Variants in ZNF174 observed in about 807,000 individuals in gnomAD.
ZNF174 encodes zinc finger protein 174.
Under a neutral mutation model 38.7 loss-of-function variants are expected in ZNF174, and 30 were observed. The observed-to-expected ratio is 0.78, with a 90% CI of 0.58 to 1.05. ZNF174 has a LOEUF of 1.05. ZNF174 is among the 50% of genes least tolerant of loss of function. ZNF174 has a pLI of 0.00. For missense variants in ZNF174, 499 were observed against 495.6 expected (o/e 1.01, Z -0.06); for synonymous variants, 201 against 181.7 (o/e 1.11, Z -0.86).
chr16:3,402,315 C>T lies in ZNF174; in HGVS notation c.311C>T (p.Ala104Val). The T allele has an allele frequency of 6.2e-7, 1 of 1,614,070 alleles. No individual in the cohort carries two copies. ...ACCATCCTGCCCCCGGAGATCCAGG[C>T]TCGGGTCAGGCATCGATGTCCAATG... is the stretch of plus-strand genomic sequence containing the variant. ...FLTILPPEIQ[A>V]RVRHRCPMSS... Residue 104 changes from alanine (A) to valine (V), a missense_variant, in exon 1 of 3, where the codon GCT becomes GTT. Coordinates refer to ENST00000268655, the MANE Select transcript of ZNF174 (RefSeq NM_003450.3).
chr16:3,407,774 C>T (rs547860583), intron 2 of ZNF174, among the ~76,000 whole-genome samples: 6 of 152,330 alleles, frequency 3.9e-5, no homozygotes, highest in African/African-American at 1.4e-4. Flanking sequence ...ATTCCAGTTT[C>T]TGAACTCATA....
chr16:3,408,937 T>TTA lies in ZNF174; in HGVS notation c.*19_*20dup. 1 of 1,577,784 alleles carries TTA rather than the reference T, an allele frequency of 6.3e-7. No homozygotes were observed. The highest frequency in any genetic ancestry group is 8.6e-7 in the Non-Finnish European group (1 of 1,159,822). On this transcript the variant is annotated 3_prime_UTR_variant, in exon 3 of 3. Coordinates refer to ENST00000268655, the MANE Select transcript of ZNF174 (RefSeq NM_003450.3). ...GGGACTAAAAGGAGCACTCCATGCT[T>TTA]TAGATTCACACGGAAGGTGTTTGTG... is the stretch of plus-strand genomic sequence containing the variant.
Position 3,404,512 on chromosome 16 carries a change from G to T in ZNF174, c.489G>T (p.Pro163=), listed in dbSNP as rs140705448. The T allele has an allele frequency of 6.2e-7, 1 of 1,613,768 alleles. No homozygotes were observed. The highest frequency in any genetic ancestry group is 1.1e-5 in the South Asian group (1 of 91,080). Residue 163 remains proline (P), a synonymous_variant, in exon 2 of 3, where the codon CCG becomes CCT. Coordinates refer to ENST00000268655, the MANE Select transcript of ZNF174 (RefSeq NM_003450.3). ...AACAGGAACTGCCAGACTTTCAACCGCAGACTCCTAGGAGAGATCTCAGGG... is the reference window on the plus strand; with the variant it reads ...AACAGGAACTGCCAGACTTTCAACCTCAGACTCCTAGGAGAGATCTCAGGG... ...LGEQELPDFQ[P]QTPRRDLRES... is the part of the protein sequence containing the mutation.
chr16:3,409,108 G>A lies in ZNF174; in HGVS notation c.*189G>A. Reference sequence around the variant, plus strand: ...CAGGGCCCAACCGTGCATGATGACAGGGTGAAGAGAAGGCAGGTCTGGGCA... The same window carrying A: ...CAGGGCCCAACCGTGCATGATGACAAGGTGAAGAGAAGGCAGGTCTGGGCA... On this transcript the variant is annotated 3_prime_UTR_variant, in exon 3 of 3. Transcript: ENST00000268655. 3.2e-6 allele frequency: 2 copies of A among 633,626 alleles called. No individual in the cohort carries two copies. Among genetic ancestry groups the A allele is most frequent in the Non-Finnish European group, 5.4e-6 (2 of 368,866 alleles). The allele number at this position is 633,626 out of a possible 1,614,324, so 39.3% of individuals were successfully genotyped here. A position where few individuals can be genotyped will look rare whatever the true frequency, so the allele number is the denominator to read the frequency against.
In ZNF174 at chr16:3,408,423, G is replaced by A; in HGVS notation, c.728G>A (p.Gly243Asp). 2 of 1,614,166 alleles carry A rather than the reference G, an allele frequency of 1.2e-6. No homozygotes were observed. Among genetic ancestry groups the A allele is most frequent in the Non-Finnish European group, 8.5e-7 (1 of 1,180,026 alleles). The change falls in exon 3 of 3, where the codon GGT (glycine) becomes GAT (aspartate). Residue 243 changes from glycine to aspartate, a missense_variant. Transcript: ENST00000268655. The stretch of plus-strand genomic sequence containing the variant: ...TCAGCTGGCAGATCCAAAGGGAATG[G>A]TCTGCAGAATCCTGAACCAAGAGGG... ...AVSAGRSKGN[G>D]LQNPEPRGAN...
rs2034089559 is a variant in ZNF174, at chr16:3,408,814, G to A, written c.1119G>A (p.Gln373=). The change falls in exon 3 of 3, where the codon CAG becomes CAA. Residue 373 remains glutamine, a synonymous_variant. Transcript: ENST00000268655. ...FGRQSTLKLH[Q]RIHTGEKPYQ... ...GGCAGTCAACCCTGAAGCTGCACCA[G>A]AGGATCCACACTGGAGAGAAGCCAT... The A allele has an allele frequency of 1.9e-6, 3 of 1,614,024 alleles. No individual in the cohort carries two copies. The highest frequency in any genetic ancestry group is 2.5e-6 in the Non-Finnish European group (3 of 1,179,996).
Position 3,402,133 on chromosome 16 carries a change from G to C in ZNF174, c.129G>C (p.Glu43Asp). Residue 43 changes from glutamate (E) to aspartate (D), a missense_variant, in exon 1 of 3, where the codon GAG becomes GAC. Transcript: ENST00000268655. ...TGCAAAAAAACTGCCCAGATCCTGAGCTCTGCCGCCAGAGCTTCAGACGCT... is the reference window on the plus strand; with the variant it reads ...TGCAAAAAAACTGCCCAGATCCTGACCTCTGCCGCCAGAGCTTCAGACGCT... ...PPLQKNCPDP[E>D]LCRQSFRRFC... is the part of the protein sequence containing the mutation. The C allele has an allele frequency of 3.1e-6, 5 of 1,614,152 alleles. No homozygotes were observed. Among genetic ancestry groups the C allele is most frequent in the Non-Finnish European group, 4.2e-6 (5 of 1,180,018 alleles).
At chr16:3,402,711 G>T (rs2033967739) in intron 1 of ZNF174, among the ~76,000 whole-genome samples, 1 of 152,040 alleles carries the variant, frequency 6.6e-6, no homozygotes, top group Non-Finnish European at 1.5e-5. Flanking sequence ...GCCCGCCTCG[G>T]CCTCCCAAAG....
chr16:3,404,485 A>G lies in ZNF174; in HGVS notation c.462A>G (p.Gly154=). The G allele has an allele frequency of 1.2e-6, 2 of 1,612,664 alleles. No individual in the cohort carries two copies. Among genetic ancestry groups the G allele is most frequent in the Non-Finnish European group, 1.7e-6 (2 of 1,178,764 alleles). Residue 154 remains glycine, a synonymous_variant, in exon 2 of 3, where the codon GGA becomes GGG. Transcript: ENST00000268655. ...TGGAGAAAACTGGATCTCAGCTTGG[A>G]GAACAGGAACTGCCAGACTTTCAAC... ...VLLEKTGSQL[G]EQELPDFQPQ...
At chr16:3,404,911 C>T in intron 2 of ZNF174, 2 of 1,613,824 alleles carry the variant, frequency 1.2e-6, no homozygotes, top group Non-Finnish European at 8.5e-7. Flanking sequence ...CGTTTCAGAA[C>T]TTCTTATAGA....
chr16:3,407,362 T>A (rs1325712608), intron 2 of ZNF174, among the ~76,000 whole-genome samples: 1 of 152,174 alleles, frequency 6.6e-6, no homozygotes, highest in Non-Finnish European at 1.5e-5. Context: ...GGGTCCAACT[T>A]CATTCTCTTG....
At position 3,401,875 on chromosome 16, in the gene ZNF174, C is replaced by T; in HGVS notation, c.-130C>T. 2 of 1,172,202 alleles carry T rather than the reference C, an allele frequency of 1.7e-6. No homozygotes were observed. The highest frequency in any genetic ancestry group is 2.4e-6 in the Non-Finnish European group (2 of 831,060). The allele number at this position is 1,172,202 out of a possible 1,614,324, so 72.6% of individuals were successfully genotyped here. On this transcript the variant is annotated 5_prime_UTR_variant, in exon 1 of 3. Coordinates refer to ENST00000268655, the MANE Select transcript of ZNF174 (RefSeq NM_003450.3). ...AGCAAGTGAGGCTTTGTCTCTGCAT[C>T]CCGTTCCCCCTAACATCCTCAGAGA...
chr16:3,406,523 C>T (rs571606540), intron 2 of ZNF174, among the ~76,000 whole-genome samples: 11 of 152,202 alleles, frequency 7.2e-5, no homozygotes, highest in Admixed American at 4.6e-4. Flanking sequence ...TTACATTTCC[C>T]TAGTGACTAA....
chr16:3,402,128 C>T lies in ZNF174; in HGVS notation c.124C>T (p.Pro42Ser), dbSNP rs770954393. 6.2e-7 allele frequency: 1 copy of T among 1,614,218 alleles called. No individual in the cohort carries two copies. Among genetic ancestry groups the T allele is most frequent in the Non-Finnish European group, 8.5e-7 (1 of 1,180,032 alleles). ...GPPLQKNCPDPELCRQSFRRF... is the reference protein window; with the variant it reads ...GPPLQKNCPDSELCRQSFRRF... ...TCCTCTGCAAAAAAACTGCCCAGAT[C>T]CTGAGCTCTGCCGCCAGAGCTTCAG... The change falls in exon 1 of 3, where the codon CCT (proline) becomes TCT (serine). Residue 42 changes from proline (P) to serine (S), a missense_variant. Physicochemically the swap from Pro to Ser is moderately conservative, Grantham distance 74. Transcript: ENST00000268655.
chr16:3,402,939 T>G (rs1255408665), intron 1 of ZNF174, among the ~76,000 whole-genome samples: 3 of 152,134 alleles, frequency 2.0e-5, no homozygotes, highest in African/African-American at 7.2e-5. Flanking sequence ...GGACCAAGGT[T>G]CTTACCATTC....
intron 2 of ZNF174, chr16:3,404,870 T>C (rs753280273): frequency 4.4e-6 from 7 of 1,606,566 alleles, no homozygotes; most frequent in Non-Finnish European, 5.1e-6. Flanking sequence ...AAGAATCCAG[T>C]GCATGACAGG....
Position 3,404,563 on chromosome 16 carries a change from G to C in ZNF174, c.540G>C (p.Gln180His). Reference sequence around the variant, plus strand: ...AGAGCTCTCCAGCAGAGCCTTCCCAGGCAGGAGCTTATGACCGGCTGAGCC... The same window carrying C: ...AGAGCTCTCCAGCAGAGCCTTCCCACGCAGGAGCTTATGACCGGCTGAGCC... ...LRESSPAEPS[Q>H]AGAYDRLSPH... Residue 180 changes from glutamine to histidine, a missense_variant, in exon 2 of 3, where the codon CAG becomes CAC. Gln to His is a conservative substitution (Grantham distance 24). Coordinates refer to ENST00000268655, the MANE Select transcript of ZNF174 (RefSeq NM_003450.3). The C allele has an allele frequency of 1.9e-6, 3 of 1,614,226 alleles. No homozygotes were observed. The highest frequency in any genetic ancestry group is 2.5e-6 in the Non-Finnish European group (3 of 1,180,040).
At chr16:3,405,141 TAC>T in intron 2 of ZNF174, 1 of 1,376,858 alleles carries the variant, frequency 7.3e-7, no homozygotes, top group Non-Finnish European at 9.6e-7. Context: ...GGCCTTGTTC[TAC>T]ACAGTCCTGT....
intron 1 of ZNF174, among the ~76,000 whole-genome samples, chr16:3,403,751 T>C (rs2034006416): frequency 6.6e-6 from 1 of 152,190 alleles, no homozygotes; most frequent in Non-Finnish European, 1.5e-5. Context: ...CCTCCCAAAG[T>C]GCTGGGATTA....
Sources: allele counts gnomAD v4.1 joint callset (sites outside exome capture counted in the v4.1 genomes callset), GRCh38; gene constraint gnomAD v4.1.1; transcripts MANE v1.5; gene names NCBI Gene and HGNC (gene_info 2026-07-23, HGNC 2026-07-21).